PRMT3: variants seen among roughly 807,000 people sequenced by gnomAD.
The protein encoded by PRMT3 is protein arginine N-methyltransferase 3.
Under a neutral mutation model 71.9 loss-of-function variants are expected in PRMT3, and 62 were observed. The ratio of observed to expected loss-of-function variants is 0.86; its 90% CI spans 0.70 to 1.07. The LOEUF (loss-of-function observed/expected upper bound fraction) is 1.07, where lower values mean the gene tolerates loss of function less well. PRMT3 is among the 50% of genes least tolerant of loss of function. The probability of loss-of-function intolerance (pLI) is 0.00; values close to 1 mark genes in which losing one functional copy is unlikely to be tolerated. For synonymous variants in PRMT3, 213 were observed against 220.4 expected (o/e 0.97, Z 0.30); for missense variants, 663 against 643.0 (o/e 1.03, Z -0.34).
At chr11:20,503,265 C>T (rs996368432) in intron 15 of PRMT3, among the ~76,000 whole-genome samples, 4 of 152,034 alleles carry the variant, frequency 2.6e-5, no homozygotes, top group Admixed American at 6.5e-5. Context: ...TGAATCCTTT[C>T]CTCAGTGACT....
At chr11:20,438,429 G>A (rs982858780) in intron 10 of PRMT3, among the ~76,000 whole-genome samples, 3 of 152,078 alleles carry the variant, frequency 2.0e-5, no homozygotes, top group Non-Finnish European at 4.4e-5. Flanking sequence ...GTGGCAGGTG[G>A]CCTAAAGGCA....
At chr11:20,389,254 A>G (rs1388439165) in intron 2 of PRMT3, among the ~76,000 whole-genome samples, 1 of 152,230 alleles carries the variant, frequency 6.6e-6, no homozygotes. Flanking sequence ...TACGTTGGGA[A>G]TACTACAAGA....
At position 20,462,087 on chromosome 11, in the gene PRMT3, A is replaced by G. The variant is rs749625765; in HGVS notation, c.1180A>G (p.Met394Val). The G allele has an allele frequency of 6.2e-7, 1 of 1,613,354 alleles. No homozygotes were observed. The highest frequency in any genetic ancestry group is 1.1e-5 in the South Asian group (1 of 90,978). The change falls in exon 12 of 16, where the codon ATG becomes GTG. Residue 394 changes from methionine (M) to valine (V), a missense_variant. Transcript: ENST00000331079. ...TGTCTATGGCTTCAAGATGTCCTGC[A>G]TGAAGAAAGCAGTTATTCCAGAAGC... is the stretch of plus-strand genomic sequence containing the variant. ...DDVYGFKMSCMKKAVIPEAVV... is the reference protein window; with the variant it reads ...DDVYGFKMSCVKKAVIPEAVV...
chr11:20,391,571 G>C (rs1848716403), intron 3 of PRMT3, among the ~76,000 whole-genome samples: 1 of 152,012 alleles, frequency 6.6e-6, no homozygotes, highest in Admixed American at 6.6e-5. Flanking sequence ...CATTTCTAAA[G>C]TATTAGAATC....
chr11:20,440,664 T>C (rs1484240964), intron 10 of PRMT3, among the ~76,000 whole-genome samples: 2 of 151,174 alleles, frequency 1.3e-5, no homozygotes, highest in Non-Finnish European at 2.9e-5. Context: ...AAATGGTTAG[T>C]ATTCTACTAT....
intron 9 of PRMT3, among the ~76,000 whole-genome samples, chr11:20,423,661 A>G (rs1348408379): frequency 1.3e-5 from 2 of 152,022 alleles, no homozygotes; most frequent in Non-Finnish European, 2.9e-5. Flanking sequence ...CATTGAAGAT[A>G]ATTTGCCTTT....
intron 11 of PRMT3, among the ~76,000 whole-genome samples, chr11:20,454,174 CA>C (rs988382535): frequency 1.3e-5 from 2 of 152,060 alleles, no homozygotes; most frequent in African/African-American, 4.8e-5. Flanking sequence ...TTTTTAAACT[CA>C]CATCTGCCAG....
At position 20,387,815 on chromosome 11, in the gene PRMT3, C is replaced by G; in HGVS notation, c.28+41C>G. On this transcript the variant is annotated intron_variant, in intron 1 of 15. Coordinates refer to ENST00000331079, the MANE Select transcript of PRMT3 (RefSeq NM_005788.4). The surrounding 1 kb of genome is among the most constrained non-coding windows in gnomAD (Gnocchi z 4.3). ...CCTCAGCACCCGGCTCGTCCAGCCC[C>G]AGGCCGCGCCGCTGTGGGGCCGGTG... 10 of 1,540,384 alleles carry G rather than the reference C, an allele frequency of 6.5e-6. No homozygotes were observed. The highest frequency in any genetic ancestry group is 8.7e-6 in the Non-Finnish European group (10 of 1,145,868).
intron 11 of PRMT3, among the ~76,000 whole-genome samples, chr11:20,456,720 T>C (rs1850274686): frequency 6.6e-6 from 1 of 152,142 alleles, no homozygotes. Flanking sequence ...TGGCTATTTC[T>C]GCTTTAAAAA....
intron 13 of PRMT3, among the ~76,000 whole-genome samples, chr11:20,472,277 C>T (rs984055065): frequency 2.6e-5 from 4 of 152,130 alleles, no homozygotes; most frequent in Admixed American, 1.3e-4. Flanking sequence ...TGTCTTGTGC[C>T]TGTTTTCAAG....
At chr11:20,394,516 A>G (rs939455415) in intron 5 of PRMT3, among the ~76,000 whole-genome samples, 1 of 152,058 alleles carries the variant, frequency 6.6e-6, no homozygotes, top group African/African-American at 2.4e-5. Flanking sequence ...ATACAATGTG[A>G]TGATTTGATA....
intron 8 of PRMT3, among the ~76,000 whole-genome samples, chr11:20,404,211 G>GTTTTTGTTTTTGTTTTTGTTTTTTTTT (rs1849013771): frequency 2.9e-5 from 1 of 34,338 alleles, no homozygotes; most frequent in African/African-American, 1.3e-4. Context: ...ACTTTTCATA[G>GTTTTTGTTTTTGTTTTTGTTTTTTTTT]TTTTTTTTTT....
chr11:20,502,750 A>C (rs1851487724), intron 15 of PRMT3, among the ~76,000 whole-genome samples: 1 of 152,150 alleles, frequency 6.6e-6, no homozygotes, highest in South Asian at 2.1e-4. Flanking sequence ...TATTTTTAAC[A>C]CTCAAAAGGC....
chr11:20,494,604 G>T (rs1313992981), intron 15 of PRMT3, among the ~76,000 whole-genome samples: 1 of 152,188 alleles, frequency 6.6e-6, no homozygotes, highest in Admixed American at 6.5e-5. Context: ...GGGATTGCAG[G>T]TGTGAGCCAC....
intron 10 of PRMT3, among the ~76,000 whole-genome samples, chr11:20,439,940 G>A (rs945419811): frequency 1.3e-5 from 2 of 152,192 alleles, no homozygotes; most frequent in Non-Finnish European, 2.9e-5. Context: ...AAACAGACCT[G>A]TGTAACCCAT....
intron 13 of PRMT3, among the ~76,000 whole-genome samples, chr11:20,479,402 G>T (rs1343950870): frequency 1.3e-5 from 2 of 152,070 alleles, no homozygotes; most frequent in Non-Finnish European, 2.9e-5. Flanking sequence ...CACCCTATTT[G>T]CATCACTACC....
intron 6 of PRMT3, among the ~76,000 whole-genome samples, chr11:20,396,793 G>A (rs142016199): frequency 2.6e-5 from 4 of 152,144 alleles, no homozygotes; most frequent in South Asian, 2.1e-4. Context: ...AACTGGGATC[G>A]TGTTAAAATA....
rs747178291 is a variant in PRMT3, at chr11:20,397,736, C to G, written c.705+15C>G. 3 of 1,612,478 alleles carry G rather than the reference C, an allele frequency of 1.9e-6. No homozygotes were observed. The highest frequency in any genetic ancestry group is 2.2e-5 in the South Asian group (2 of 90,874). On this transcript the variant is annotated intron_variant, in intron 7 of 15. Coordinates refer to ENST00000331079, the MANE Select transcript of PRMT3 (RefSeq NM_005788.4). ...AAATGCTAAAGGTTAGAAAAGAACA[C>G]AAATGCGTCAAATCCATACTAAAGG...
At chr11:20,502,468 A>G (rs1851480612) in intron 15 of PRMT3, among the ~76,000 whole-genome samples, 1 of 152,234 alleles carries the variant, frequency 6.6e-6, no homozygotes, top group Non-Finnish European at 1.5e-5. Flanking sequence ...GGTTATCAGC[A>G]TCAGCTTATA....
Sources: gnomAD v4.1 joint callset for allele counts (sites outside exome capture counted in the v4.1 genomes callset) on GRCh38, gnomAD v4.1.1 for gene constraint, Gnocchi (gnomAD v3.1) non-coding constraint, MANE v1.5 for transcripts, NCBI Gene and HGNC (gene_info 2026-07-23, HGNC 2026-07-21) for gene names.